UNC13C: variants seen among roughly 807,000 people sequenced by gnomAD.
The protein encoded by UNC13C is unc-13 homolog C, also known as protein unc-13 homolog C.
UNC13C carries 174 observed loss-of-function variants against 245.4 expected under a neutral mutation model. That is an observed-to-expected ratio of 0.71 (90% CI 0.63 to 0.80). The LOEUF is 0.80. UNC13C is among the 30% of genes least tolerant of loss of function. The pLI is 0.00. For missense variants in UNC13C, 2,829 were observed against 2,602.9 expected (o/e 1.09, Z -1.89); for synonymous variants, 992 against 895.1 (o/e 1.11, Z -1.93).
At chr15:54,091,985 A>G (rs1453355601) in intron 2 of UNC13C, among the ~76,000 whole-genome samples, 1 of 152,192 alleles carries the variant, frequency 6.6e-6, no homozygotes, top group East Asian at 1.9e-4. Flanking sequence ...TTTGATATCA[A>G]TATTTACTTG....
At chr15:54,282,631 T>A (rs565964043) in intron 10 of UNC13C, among the ~76,000 whole-genome samples, 3 of 152,266 alleles carry the variant, frequency 2.0e-5, no homozygotes, top group Admixed American at 2.0e-4. Flanking sequence ...CCTTGCCTCA[T>A]CATGTGGGGT....
the UNC13C span, among the ~76,000 whole-genome samples, chr15:53,909,761 G>T: frequency 6.9e-6 from 1 of 145,298 alleles, no homozygotes; most frequent in Non-Finnish European, 1.5e-5. Context: ...TATTTCCCTC[G>T]CTTCTTTTTA....
At chr15:54,032,683 A>G (rs1896409411) in intron 2 of UNC13C, among the ~76,000 whole-genome samples, 3 of 152,196 alleles carry the variant, frequency 2.0e-5, no homozygotes, top group African/African-American at 7.2e-5. Context: ...ATAAGAGCCT[A>G]AAGGTTAAAT....
At chr15:53,928,202 C>A in the UNC13C span, among the ~76,000 whole-genome samples, 48,838 of 151,836 alleles carry the variant, frequency 0.32, 7,970 homozygotes, top group Non-Finnish European at 0.34. Context: ...AGAGATATAC[C>A]CACATATTTA....
chr15:54,484,395 C>G (rs894088500), intron 19 of UNC13C, among the ~76,000 whole-genome samples: 1 of 152,162 alleles, frequency 6.6e-6, no homozygotes, highest in African/African-American at 2.4e-5. Context: ...AAAATTGAGA[C>G]ATGATACATT....
the UNC13C span, among the ~76,000 whole-genome samples, chr15:53,895,286 C>G: frequency 2.0e-5 from 3 of 148,636 alleles, no homozygotes; most frequent in Non-Finnish European, 4.4e-5. Flanking sequence ...ATAGCTTGAA[C>G]CCAGGAGTCG....
chr15:54,101,565 T>C (rs1274326468), intron 2 of UNC13C, among the ~76,000 whole-genome samples: 2 of 152,046 alleles, frequency 1.3e-5, no homozygotes, highest in Admixed American at 6.5e-5. Flanking sequence ...TCATTCTATT[T>C]GCTCCTCCTC....
intron 10 of UNC13C, among the ~76,000 whole-genome samples, chr15:54,278,038 G>A (rs1567154402): frequency 6.6e-6 from 1 of 152,038 alleles, no homozygotes; most frequent in Admixed American, 6.6e-5. Context: ...AGGGATCAGC[G>A]TGGCATGCAA....
intron 2 of UNC13C, among the ~76,000 whole-genome samples, chr15:54,043,623 G>A (rs989632240): frequency 5.2e-4 from 79 of 152,126 alleles, no homozygotes; most frequent in African/African-American, 1.9e-3. Context: ...TCTTGTCAAG[G>A]GAAACAGGTT....
At chr15:54,353,972 C>A (rs575395020) in intron 17 of UNC13C, among the ~76,000 whole-genome samples, 80 of 152,328 alleles carry the variant, frequency 5.3e-4, no homozygotes, top group Non-Finnish European at 8.8e-4. Context: ...ACAGCTCTTA[C>A]AATTCCTAGG....
intron 2 of UNC13C, among the ~76,000 whole-genome samples, chr15:54,030,917 T>C (rs1465019854): frequency 1.3e-5 from 2 of 152,212 alleles, no homozygotes; most frequent in African/African-American, 4.8e-5. Context: ...CTTCTAATAC[T>C]GTTGCATTTG....
At chr15:54,458,678 G>GTTT (rs1407353316) in intron 19 of UNC13C, among the ~76,000 whole-genome samples, 1 of 38,630 alleles carries the variant, frequency 2.6e-5, no homozygotes, top group African/African-American at 9.0e-5. Flanking sequence ...TTCCTTTAAG[G>GTTT]TCTTTTTTTT....
chr15:54,245,110 G>A lies in UNC13C; in HGVS notation c.3229-5115G>A, dbSNP rs552764416. On this transcript the variant is annotated intron_variant, in intron 7 of 32. Transcript: ENST00000260323. ...AATCTTAGACTTTCCACATTAAAAT[G>A]GCTAAAGTTTCCCCCAGTGTAGAAA... 1.1e-4 allele frequency among the ~76,000 whole-genome samples: 17 copies of A among 152,118 alleles called. No individual in the cohort carries two copies. The East Asian group carries it at 3.1e-3, about 28-fold the overall frequency.
At chr15:54,478,625 G>A (rs1408661330) in intron 19 of UNC13C, among the ~76,000 whole-genome samples, 2 of 151,782 alleles carry the variant, frequency 1.3e-5, no homozygotes, top group Non-Finnish European at 2.9e-5. Flanking sequence ...GCAGTTTTGA[G>A]TGAGTTTCTT....
intron 2 of UNC13C, among the ~76,000 whole-genome samples, chr15:54,128,350 T>C (rs1176911938): frequency 6.6e-6 from 1 of 152,238 alleles, no homozygotes; most frequent in Non-Finnish European, 1.5e-5. Context: ...CTTAACTTAT[T>C]TGCTACAACT....
At chr15:54,107,159 TTTTA>T (rs1455455080) in intron 2 of UNC13C, among the ~76,000 whole-genome samples, 15 of 152,288 alleles carry the variant, frequency 9.8e-5, no homozygotes, top group East Asian at 3.9e-4. Context: ...TTTTTGACTG[TTTTA>T]TTTATTTCAA....
At chr15:54,003,738 C>T (rs573270038) in intron 1 of UNC13C, among the ~76,000 whole-genome samples, 39 of 152,222 alleles carry the variant, frequency 2.6e-4, no homozygotes, top group African/African-American at 6.5e-4. Flanking sequence ...ATAGGCCGGG[C>T]GCGGTGGCTT....
intron 31 of UNC13C, 75 bp downstream of exon 31, chr15:54,622,494 TTTC>T: frequency 8.7e-7 from 1 of 1,143,524 alleles, no homozygotes; most frequent in Non-Finnish European, 1.3e-6. Context: ...CAATGTAACT[TTTC>T]TTGCATTTAA....
chr15:53,944,337 C>G, the UNC13C span, among the ~76,000 whole-genome samples: 2,553 of 151,790 alleles, frequency 0.017, 110 homozygotes, highest in East Asian at 0.15. Context: ...GTTTGTTGTA[C>G]AGATTATTTT....
Sources: allele counts gnomAD v4.1 joint callset (sites outside exome capture counted in the v4.1 genomes callset), GRCh38; gene constraint gnomAD v4.1.1; transcripts MANE v1.5; gene names NCBI Gene and HGNC (gene_info 2026-07-23, HGNC 2026-07-21).